Variants in CAMTA1 observed in about 807,000 individuals in gnomAD.
CAMTA1 encodes calmodulin-binding transcription activator 1.
In CAMTA1, 27 loss-of-function variants were observed where a neutral mutation model predicts 170.9. The ratio of observed to expected loss-of-function variants is 0.16; its 90% CI spans 0.12 to 0.22. The LOEUF (loss-of-function observed/expected upper bound fraction) is 0.22. CAMTA1 is among the 10% of genes least tolerant of loss of function. The pLI, the probability that CAMTA1 is intolerant of heterozygous loss-of-function variation, is 1.00. For missense variants in CAMTA1, 1,619 were observed against 2,217.2 expected, an observed-to-expected ratio of 0.73 and a Z score of 5.42; for synonymous variants, 833 against 891.5, an observed-to-expected ratio of 0.93 and a Z score of 1.17.
chr1:7,124,739 C>T (rs1426501970), intron 4 of CAMTA1, among the ~76,000 whole-genome samples: 1 of 152,256 alleles, frequency 6.6e-6, no homozygotes, highest in Non-Finnish European at 1.5e-5. Flanking sequence ...ACGGCGCTGA[C>T]AGCAGGAGAT....
At chr1:6,844,919 C>G (rs1421469655) in intron 3 of CAMTA1, among the ~76,000 whole-genome samples, 1 of 152,088 alleles carries the variant, frequency 6.6e-6, no homozygotes, top group Non-Finnish European at 1.5e-5. Context: ...AGGATTCAGT[C>G]AGGGAAGCAG....
At chr1:7,272,704 A>G (rs1670004238) in intron 5 of CAMTA1, among the ~76,000 whole-genome samples, 1 of 146,962 alleles carries the variant, frequency 6.8e-6, no homozygotes, top group African/African-American at 2.5e-5. Flanking sequence ...AAAAAAAAAA[A>G]AAAAAAAAAA....
intron 3 of CAMTA1, among the ~76,000 whole-genome samples, chr1:6,902,264 G>A (rs1677278146): frequency 6.6e-6 from 1 of 152,112 alleles, no homozygotes; most frequent in South Asian, 2.1e-4. Flanking sequence ...TGCACCTACA[G>A]AAATTTGTAT....
Position 7,602,856 on chromosome 1 carries a change from TC to T in CAMTA1, c.511-37543del, listed in dbSNP as rs1422959256. Among the ~76,000 whole-genome samples the T allele has an allele frequency of 9.2e-5, 14 of 152,386 alleles. No homozygotes were observed. The East Asian group carries it at 2.7e-3, about 29-fold the overall frequency. On this transcript the variant is annotated intron_variant, in intron 6 of 22. Coordinates refer to ENST00000303635, the MANE Select transcript of CAMTA1 (RefSeq NM_015215.4). ...GTCCCAGAGATTCTGGTATGTTGTG[TC>T]TTTGTTCTCATTGGTTTCAAAGAGC...
intron 4 of CAMTA1, among the ~76,000 whole-genome samples, chr1:7,107,277 C>CGTGT (rs767461350): frequency 9.3e-4 from 13 of 14,050 alleles, no homozygotes; most frequent in South Asian, 8.2e-3. Flanking sequence ...TGTGTGTGTG[C>CGTGT]ATGTGTGTGT....
chr1:7,695,014 G>C (rs566162301), intron 11 of CAMTA1, among the ~76,000 whole-genome samples: 3 of 152,330 alleles, frequency 2.0e-5, no homozygotes, highest in South Asian at 4.1e-4. Flanking sequence ...CATAAAAAAT[G>C]CATCATTGCT....
At chr1:7,616,635 C>T (rs1017674867) in intron 6 of CAMTA1, among the ~76,000 whole-genome samples, 1 of 152,142 alleles carries the variant, frequency 6.6e-6, no homozygotes, top group Non-Finnish European at 1.5e-5. Flanking sequence ...CCCTAGAATC[C>T]TGAGGGGGAA....
intron 5 of CAMTA1, among the ~76,000 whole-genome samples, chr1:7,304,677 ATACT>A (rs1675314513): frequency 6.6e-6 from 1 of 151,808 alleles, no homozygotes; most frequent in African/African-American, 2.4e-5. Flanking sequence ...GAAGTTGAAC[ATACT>A]TCTTTTCTAT....
chr1:7,396,323 G>A (rs2089302375), intron 5 of CAMTA1, among the ~76,000 whole-genome samples: 1 of 152,176 alleles, frequency 6.6e-6, no homozygotes, highest in East Asian at 1.9e-4. Context: ...CTCACTAGAT[G>A]CAGATGCTGA....
At chr1:7,702,927 T>A (rs1359275869) in intron 11 of CAMTA1, among the ~76,000 whole-genome samples, 1 of 152,136 alleles carries the variant, frequency 6.6e-6, no homozygotes, top group Non-Finnish European at 1.5e-5. Flanking sequence ...CAGGCACTGG[T>A]ACATGCACCT....
rs532778980 is a variant in CAMTA1, at chr1:7,108,407, G to C, written c.302+17036G>C. ...ATGATGATGATCTCCCCAGGAATCT[G>C]TTCCAAACCGCAGACCCAGATGGCC... is the stretch of plus-strand genomic sequence containing the variant. On this transcript the variant is annotated intron_variant, in intron 4 of 22. Coordinates refer to ENST00000303635, the MANE Select transcript of CAMTA1 (RefSeq NM_015215.4). 1.8e-3 allele frequency among the ~76,000 whole-genome samples: 276 copies of C among 152,326 alleles called. 1 individual carries two copies. Among genetic ancestry groups the C allele is most frequent in the African/African-American group, 6.4e-3 (267 of 41,564 alleles).
At chr1:7,504,029 C>T (rs2149818691) in intron 6 of CAMTA1, among the ~76,000 whole-genome samples, 1 of 152,318 alleles carries the variant, frequency 6.6e-6, no homozygotes, top group South Asian at 2.1e-4. Flanking sequence ...AGGGGCCTCC[C>T]GGGCAGGAGA....
chr1:7,142,645 G>T (rs1294871818), intron 4 of CAMTA1, among the ~76,000 whole-genome samples: 1 of 152,184 alleles, frequency 6.6e-6, no homozygotes, highest in African/African-American at 2.4e-5. Flanking sequence ...CCAGGAGCTG[G>T]TTGTTTAAAA....
At chr1:7,507,215 G>T (rs192379935) in intron 6 of CAMTA1, among the ~76,000 whole-genome samples, 1 of 151,618 alleles carries the variant, frequency 6.6e-6, no homozygotes, top group Non-Finnish European at 1.5e-5. Flanking sequence ...CACACTCACC[G>T]ATACACACTT....
At chr1:7,605,844 T>A (rs150199963) in intron 6 of CAMTA1, among the ~76,000 whole-genome samples, 2,301 of 152,312 alleles carry the variant, frequency 0.015, 28 homozygotes, top group South Asian at 0.032. Flanking sequence ...AATTTAAATA[T>A]TAATCTCATC....
intron 5 of CAMTA1, among the ~76,000 whole-genome samples, chr1:7,313,661 C>A (rs1450418970): frequency 6.6e-6 from 1 of 152,122 alleles, no homozygotes. Context: ...ATATTTACTC[C>A]ACTATATGAA....
intron 5 of CAMTA1, among the ~76,000 whole-genome samples, chr1:7,370,625 G>A (rs1002292225): frequency 2.0e-5 from 3 of 152,080 alleles, no homozygotes; most frequent in African/African-American, 4.8e-5. Context: ...TTAATATATC[G>A]CTAAGTGAGA....
chr1:6,981,776 C>T (rs551009928), intron 3 of CAMTA1, among the ~76,000 whole-genome samples: 1 of 152,154 alleles, frequency 6.6e-6, no homozygotes, highest in Non-Finnish European at 1.5e-5. Context: ...TGTTGCCAGG[C>T]TGGAGTGCAG....
chr1:7,498,729 A>G (rs1750844), intron 6 of CAMTA1, among the ~76,000 whole-genome samples: 94,563 of 151,806 alleles, frequency 0.62, 30,494 homozygotes, highest in African/African-American at 0.8. Flanking sequence ...ACATGAGTGC[A>G]TGTGCAGAGA....
Sources: allele counts gnomAD v4.1 joint callset (sites outside exome capture counted in the v4.1 genomes callset), GRCh38; gene constraint gnomAD v4.1.1; transcripts MANE v1.5; gene names NCBI Gene and HGNC (gene_info 2026-07-23, HGNC 2026-07-21).